Variants in MTA3 observed in about 807,000 individuals in gnomAD.
MTA3 encodes metastasis associated 1 family member 3, also known as metastasis-associated protein MTA3.
MTA3 carries 34 observed loss-of-function variants against 83.5 expected under a neutral mutation model. The observed-to-expected ratio is 0.41, with a 90% CI of 0.31 to 0.54. The LOEUF is 0.54. Among genes scored for constraint, MTA3 ranks in the 20% least tolerant of loss-of-function variants. The pLI, the probability that MTA3 is intolerant of heterozygous loss-of-function variation, is 0.33. For missense variants in MTA3, 761 were observed against 726.4 expected (o/e 1.05, Z -0.55); for synonymous variants, 303 against 252.7 (o/e 1.20, Z -1.89).
intron 2 of MTA3, among the ~76,000 whole-genome samples, chr2:42,536,015 G>A (rs1235537147): frequency 6.6e-6 from 1 of 150,758 alleles, no homozygotes; most frequent in African/African-American, 2.4e-5. Flanking sequence ...AGCTACTCAG[G>A]AAGTTGAGGC....
intron 16 of MTA3, chr2:42,723,252 G>A: frequency 3.7e-6 from 2 of 542,658 alleles, no homozygotes. Context: ...CCCATCTCCT[G>A]TTAGGAGGCG....
chr2:42,558,549 C>T (rs956782047), intron 2 of MTA3, among the ~76,000 whole-genome samples: 1 of 150,390 alleles, frequency 6.6e-6, no homozygotes, highest in African/African-American at 2.5e-5. Context: ...CACACCCAGC[C>T]TTTAAAAAAA....
At chr2:42,622,272 G>T (rs1329195804) in intron 4 of MTA3, among the ~76,000 whole-genome samples, 1 of 152,086 alleles carries the variant, frequency 6.6e-6, no homozygotes, top group Non-Finnish European at 1.5e-5. Flanking sequence ...CAGGCTTGGC[G>T]GCGCGCGCCT....
chr2:42,523,534 G>A (rs920390721), intron 2 of MTA3, among the ~76,000 whole-genome samples: 1 of 152,174 alleles, frequency 6.6e-6, no homozygotes. Flanking sequence ...GCTGCCTGCC[G>A]ACCTAGACGC....
intron 16 of MTA3, among the ~76,000 whole-genome samples, chr2:42,732,533 G>A (rs1668303453): frequency 6.6e-6 from 1 of 152,230 alleles, no homozygotes; most frequent in Admixed American, 6.5e-5. Flanking sequence ...GGAAGGGACT[G>A]CTGTGAAGAC....
intron 16 of MTA3, among the ~76,000 whole-genome samples, chr2:42,735,282 G>A (rs1208430598): frequency 2.0e-5 from 3 of 151,846 alleles, no homozygotes; most frequent in Non-Finnish European, 4.4e-5. Context: ...TAAATATATC[G>A]TGACACTCTA....
chr2:42,692,534 C>T (rs1350262000), intron 9 of MTA3, among the ~76,000 whole-genome samples: 4 of 151,648 alleles, frequency 2.6e-5, no homozygotes, highest in Non-Finnish European at 5.9e-5. Flanking sequence ...AAGCAATTCT[C>T]GTGCCTCAGC....
At chr2:42,568,883 G>T (rs1438578344) in intron 1 of MTA3, 110 bp downstream of exon 1, 2 of 1,078,710 alleles carry the variant, frequency 1.9e-6, no homozygotes, top group Non-Finnish European at 1.2e-6. Flanking sequence ...GGCTGAGGTC[G>T]CAGTGGGCTG....
intron 7 of MTA3, among the ~76,000 whole-genome samples, chr2:42,658,388 G>C (rs1266806675): frequency 6.6e-6 from 1 of 152,162 alleles, no homozygotes; most frequent in Non-Finnish European, 1.5e-5. Flanking sequence ...ACTATTCATA[G>C]TAACCCCAAA....
intron 2 of MTA3, among the ~76,000 whole-genome samples, chr2:42,525,578 C>T (rs538678434): frequency 3.8e-5 from 5 of 132,756 alleles, no homozygotes; most frequent in Non-Finnish European, 8.2e-5. Flanking sequence ...TTCCTTCCTT[C>T]CCCTTCCTTC....
Position 42,753,594 on chromosome 2 carries a change from G to C in MTA3, c.*195G>C. 7.2e-7 allele frequency: 1 copy of C among 1,393,082 alleles called. No homozygotes were observed. Among genetic ancestry groups the C allele is most frequent in the Non-Finnish European group, 9.3e-7 (1 of 1,073,628 alleles). 86.3% of individuals were successfully genotyped at this position (1,393,082 alleles called of 1,614,324 possible). ...TCCAAATCCTGTGTCTCCACGTGTG[G>C]ATCAGCAGCACCTCGCTTTCTTGTC... On this transcript the variant is annotated 3_prime_UTR_variant, in exon 17 of 17. Transcript: ENST00000405094.
intron 2 of MTA3, among the ~76,000 whole-genome samples, chr2:42,549,601 C>CATATATA (rs1244165358): frequency 1.7e-5 from 2 of 115,536 alleles, no homozygotes; most frequent in Non-Finnish European, 3.3e-5. Flanking sequence ...TATACATATA[C>CATATATA]ATATATAATA....
intron 16 of MTA3, among the ~76,000 whole-genome samples, chr2:42,752,841 A>T (rs1388485388): frequency 6.6e-6 from 1 of 152,084 alleles, no homozygotes; most frequent in Non-Finnish European, 1.5e-5. Flanking sequence ...AGCTTTTAAG[A>T]TCTTTCCGTC....
At chr2:42,583,841 C>CT (rs1460178750) in intron 3 of MTA3, among the ~76,000 whole-genome samples, 1 of 148,670 alleles carries the variant, frequency 6.7e-6, no homozygotes, top group South Asian at 2.2e-4. Flanking sequence ...ATTATGGACT[C>CT]TTTTTTTGTT....
intron 4 of MTA3, among the ~76,000 whole-genome samples, chr2:42,629,102 C>T (rs112105432): frequency 0.018 from 2,708 of 152,010 alleles, 69 homozygotes; most frequent in African/African-American, 0.06. Flanking sequence ...TTTTTTGAGA[C>T]GGAGTCTTGC....
At chr2:42,686,553 G>C (rs1692385017) in intron 9 of MTA3, among the ~76,000 whole-genome samples, 2 of 151,998 alleles carry the variant, frequency 1.3e-5, no homozygotes, top group African/African-American at 4.8e-5. Flanking sequence ...GTCTGGGCAT[G>C]GTGGCTCATG....
chr2:42,679,546 A>G (rs2104429784), intron 8 of MTA3, among the ~76,000 whole-genome samples: 1 of 152,356 alleles, frequency 6.6e-6, no homozygotes, highest in East Asian at 1.9e-4. Context: ...CAGTTACCTA[A>G]GGCACAGTGG....
chr2:42,554,527 A>G (rs906390808), intron 2 of MTA3, among the ~76,000 whole-genome samples: 1 of 152,188 alleles, frequency 6.6e-6, no homozygotes, highest in Non-Finnish European at 1.5e-5. Context: ...GTTCATGCAG[A>G]GACTGAGAAA....
At chr2:42,543,092 A>G (rs556742300) in intron 2 of MTA3, among the ~76,000 whole-genome samples, 262 of 152,224 alleles carry the variant, frequency 1.7e-3, no homozygotes, top group Non-Finnish European at 2.9e-3. Flanking sequence ...CTGTATTCTC[A>G]TGCTGATTCC....
Sources: gnomAD v4.1 joint callset for allele counts (sites outside exome capture counted in the v4.1 genomes callset) on GRCh38, gnomAD v4.1.1 for gene constraint, MANE v1.5 for transcripts, NCBI Gene and HGNC (gene_info 2026-07-23, HGNC 2026-07-21) for gene names.